Variants in REEP1 observed in about 807,000 individuals in gnomAD.
REEP1 encodes the protein receptor accessory protein 1.
REEP1 carries 22 observed loss-of-function variants against 40.3 expected under a neutral mutation model. The observed-to-expected ratio is 0.55, with a 90% CI of 0.39 to 0.78. The LOEUF (loss-of-function observed/expected upper bound fraction) is 0.78. REEP1 is among the 30% of genes least tolerant of loss of function. REEP1 has a pLI of 0.00. For synonymous variants in REEP1, 116 were observed against 139.2 expected (o/e 0.83, Z 1.17); for missense variants, 280 against 361.1 (o/e 0.78, Z 1.82).
rs1214003244 is a variant in REEP1 at position 86,254,777 on chromosome 2, C to A, written c.220G>T (p.Ala74Ser). The change falls in exon 4 of 9, where the codon GCC becomes TCC. Residue 74 changes from alanine (A) to serine (S), a missense_variant. This residue lies in a region of REEP1 where 11 missense variants were observed against 38.9 expected (regional missense o/e 0.28). Coordinates refer to ENST00000538924, the MANE Select transcript of REEP1 (RefSeq NM_001371279.1). ...TTTGTGTAGGGAGACAGCAGCCAGG[C>A]TACAAATGCTATTTTTAGTTCATAA... ...FYYELKIAFV[A>S]WLLSPYTKGS... 1 of 1,613,846 alleles carries A rather than the reference C, an allele frequency of 6.2e-7. No individual in the cohort carries two copies. Among genetic ancestry groups the A allele is most frequent in the Non-Finnish European group, 8.5e-7 (1 of 1,179,890 alleles).
chr2:86,215,463 G>C lies in REEP1; in HGVS notation c.*1576C>G, dbSNP rs1196737893. On this transcript the variant is annotated 3_prime_UTR_variant, in exon 9 of 9. Transcript: ENST00000538924. ...CAGTTTTTAATTGGGCCTGTTTATAGTTGACTGACAGTAAGTTCTATATGG... is the reference window on the plus strand; with the variant it reads ...CAGTTTTTAATTGGGCCTGTTTATACTTGACTGACAGTAAGTTCTATATGG... 2 of 152,536 alleles carry C rather than the reference G, an allele frequency of 1.3e-5. No homozygotes were observed. Among genetic ancestry groups the C allele is most frequent in the African/African-American group, 4.8e-5 (2 of 41,408 alleles). The allele number at this position is 152,536 out of a possible 1,614,324, so 9.4% of individuals were successfully genotyped here.
chr2:86,220,847 A>G (rs947889124), intron 7 of REEP1, among the ~76,000 whole-genome samples: 1 of 152,218 alleles, frequency 6.6e-6, no homozygotes, highest in East Asian at 1.9e-4. Flanking sequence ...GAAAAGCTTC[A>G]GAATTAATTC....
intron 1 of REEP1, among the ~76,000 whole-genome samples, chr2:86,316,229 C>A (rs1042315476): frequency 6.6e-6 from 1 of 152,042 alleles, no homozygotes; most frequent in Non-Finnish European, 1.5e-5. Flanking sequence ...AACTGATATA[C>A]CTGCAAACCT....
chr2:86,237,083 G>A (rs1675401219), intron 5 of REEP1, among the ~76,000 whole-genome samples: 1 of 152,300 alleles, frequency 6.6e-6, no homozygotes, highest in East Asian at 1.9e-4. Flanking sequence ...ATTGGGGTGG[G>A]TCTTACAATT....
intron 1 of REEP1, among the ~76,000 whole-genome samples, chr2:86,284,324 TCAG>T (rs1312195598): frequency 1.7e-5 from 2 of 118,450 alleles, no homozygotes; most frequent in South Asian, 6.5e-4. Flanking sequence ...CTTGGTCAGC[TCAG>T]GGTGCGTCTC....
At position 86,251,925 on chromosome 2, in the gene REEP1, C is replaced by T. The variant is rs376558844; in HGVS notation, c.417+32G>A. The T allele has an allele frequency of 3.5e-6, 5 of 1,442,734 alleles. No individual in the cohort carries two copies. In the African/African-American group the frequency reaches 7.0e-5, roughly 20 times the overall value. The allele number at this position is 1,442,734 out of a possible 1,614,324, so 89.4% of individuals were successfully genotyped here. A position where few individuals can be genotyped will look rare whatever the true frequency, so the allele number is the denominator to read the frequency against. On this transcript the variant is annotated intron_variant, in intron 5 of 8. Coordinates refer to ENST00000538924, the MANE Select transcript of REEP1 (RefSeq NM_001371279.1). Reference sequence around the variant, plus strand: ...GCAGGGCACACTAGAGGGACTGAGACTCATGTAGTTGTGGTACTTCCAGCA... The same window carrying T: ...GCAGGGCACACTAGAGGGACTGAGATTCATGTAGTTGTGGTACTTCCAGCA...
At chr2:86,294,905 C>T (rs1678902329) in intron 1 of REEP1, among the ~76,000 whole-genome samples, 1 of 152,114 alleles carries the variant, frequency 6.6e-6, no homozygotes. Context: ...AACAAAAGCA[C>T]GGTTGTTACC....
chr2:86,270,971 C>T (rs140110686), intron 2 of REEP1, among the ~76,000 whole-genome samples: 47 of 152,116 alleles, frequency 3.1e-4, no homozygotes, highest in African/African-American at 9.2e-4. Context: ...GCAGGTGGAT[C>T]GCTTGAGGCC....
intron 1 of REEP1, among the ~76,000 whole-genome samples, chr2:86,331,905 C>A (rs930083237): frequency 1.3e-5 from 2 of 152,100 alleles, no homozygotes; most frequent in African/African-American, 4.8e-5. Context: ...CAGCTTCTTG[C>A]TCCTCAAGAC....
At chr2:86,275,658 C>T (rs925480393) in intron 2 of REEP1, among the ~76,000 whole-genome samples, 1 of 152,220 alleles carries the variant, frequency 6.6e-6, no homozygotes, top group Non-Finnish European at 1.5e-5. Flanking sequence ...ACAGAAACCA[C>T]AATGAAGGCC....
chr2:86,282,736 C>G (rs1678165904), intron 1 of REEP1, among the ~76,000 whole-genome samples: 1 of 152,196 alleles, frequency 6.6e-6, no homozygotes, highest in African/African-American at 2.4e-5. Flanking sequence ...CCAAGCCCTC[C>G]TCCCACCAAT....
chr2:86,235,883 A>G (rs117569574), intron 5 of REEP1, among the ~76,000 whole-genome samples: 4,622 of 152,244 alleles, frequency 0.03, 119 homozygotes, highest in East Asian at 0.072. Context: ...CCTGAAAACA[A>G]ATTAGCCCTT....
At chr2:86,307,216 A>G (rs796707683) in intron 1 of REEP1, among the ~76,000 whole-genome samples, 119 of 151,742 alleles carry the variant, frequency 7.8e-4, no homozygotes, top group African/African-American at 2.8e-3. Flanking sequence ...AAAAAAAAAA[A>G]AGTCACACCT....
At chr2:86,283,711 T>A (rs1678228407) in intron 1 of REEP1, among the ~76,000 whole-genome samples, 1 of 152,228 alleles carries the variant, frequency 6.6e-6, no homozygotes, top group Non-Finnish European at 1.5e-5. Flanking sequence ...ACATACCTTG[T>A]GCGAAGTGCT....
intron 1 of REEP1, among the ~76,000 whole-genome samples, chr2:86,298,510 G>T (rs1207685306): frequency 6.6e-6 from 1 of 152,202 alleles, no homozygotes; most frequent in East Asian, 1.9e-4. Flanking sequence ...AGAGAGCACC[G>T]TGTCGAGTTC....
chr2:86,281,268 T>A (rs1270481233), intron 2 of REEP1, among the ~76,000 whole-genome samples: 1 of 152,150 alleles, frequency 6.6e-6, no homozygotes, highest in African/African-American at 2.4e-5. Context: ...GTAATTGAGA[T>A]TATCCTCTGA....
chr2:86,295,012 C>A (rs1308200825), intron 1 of REEP1, among the ~76,000 whole-genome samples: 2 of 151,842 alleles, frequency 1.3e-5, no homozygotes, highest in African/African-American at 2.4e-5. Flanking sequence ...CAGCATGGCA[C>A]CCTGATTAGA....
intron 5 of REEP1, among the ~76,000 whole-genome samples, chr2:86,233,962 T>C (rs528855386): frequency 1.3e-5 from 2 of 151,960 alleles, no homozygotes; most frequent in South Asian, 4.2e-4. Flanking sequence ...CAAAATCAAT[T>C]CAAGCCGCTG....
intron 1 of REEP1, among the ~76,000 whole-genome samples, chr2:86,290,441 T>G (rs982572259): frequency 1.3e-5 from 2 of 152,078 alleles, no homozygotes; most frequent in East Asian, 3.8e-4. Context: ...ATTTCACCAC[T>G]ATACACCTGA....
Sources: gnomAD v4.1 joint callset for allele counts (sites outside exome capture counted in the v4.1 genomes callset) on GRCh38, gnomAD v4.1.1 for gene constraint, gnomAD v4.1.1 regional missense constraint, MANE v1.5 for transcripts, NCBI Gene and HGNC (gene_info 2026-07-23, HGNC 2026-07-21) for gene names.